The following KLRG2 variants were observed in gnomAD, a reference collection of about 807,000 sequenced individuals.
KLRG2 encodes the protein killer cell lectin like receptor G2.
In KLRG2, 39 loss-of-function variants were observed where a neutral mutation model predicts 35.4. The ratio of observed to expected loss-of-function variants is 1.10; its 90% CI spans 0.85 to 1.44. The LOEUF (loss-of-function observed/expected upper bound fraction) is 1.44. KLRG2 is among the 40% of genes most tolerant of loss of function. The pLI, the probability that KLRG2 is intolerant of heterozygous loss-of-function variation, is 0.00. For missense variants in KLRG2, 632 were observed against 570.9 expected, an observed-to-expected ratio of 1.11 and a Z score of -1.09; for synonymous variants, 283 against 265.8, an observed-to-expected ratio of 1.06 and a Z score of -0.63.
Position 139,479,635 on chromosome 7 carries a change from G to A in KLRG2, c.997C>T (p.His333Tyr). 1.2e-6 allele frequency: 2 copies of A among 1,612,710 alleles called. No homozygotes were observed. Among genetic ancestry groups the A allele is most frequent in the South Asian group, 1.1e-5 (1 of 91,066 alleles). ...AYHATLPLLSHTQDFLGRYPV... is the reference protein window; with the variant it reads ...AYHATLPLLSYTQDFLGRYPV... ...GGACACCCCCTTCTCACCTGGGTGT[G>A]GCTTAGCAGGGGGAGGGTAGCGTGG... Residue 333 changes from histidine (H) to tyrosine (Y), a missense_variant, in exon 3 of 5, where the codon CAC becomes TAC. Transcript: ENST00000340940.
chr7:139,431,711 G>A, the KLRG2 span, among the ~76,000 whole-genome samples: 1 of 152,204 alleles, frequency 6.6e-6, no homozygotes. Context: ...GCAGCTGGCA[G>A]TGCCTGGTGG....
chr7:139,452,681 C>G (rs908852009), downstream of KLRG2: 16 of 152,276 alleles, frequency 1.1e-4, no homozygotes, highest in African/African-American at 3.9e-4. Context: ...GGAGGTCTAG[C>G]TGGACTCAAG....
chr7:139,479,805 G>C (rs750134991), intron 2 of KLRG2, 33 bp from the exon 3 acceptor site: 6 of 1,601,784 alleles, frequency 3.7e-6, no homozygotes, highest in Admixed American at 1.7e-5. Flanking sequence ...TGAGCTGCAG[G>C]GTAAGCTGCA....
the KLRG2 span, among the ~76,000 whole-genome samples, chr7:139,439,002 T>G: frequency 6.9e-6 from 1 of 144,868 alleles, no homozygotes; most frequent in African/African-American, 2.5e-5. Context: ...CGTGGCAATT[T>G]CTTAAAAGGT....
chr7:139,465,616 T>C (rs113943936), intron 3 of KLRG2, among the ~76,000 whole-genome samples: 17,845 of 148,696 alleles, frequency 0.12, 1,146 homozygotes, highest in African/African-American at 0.17. Flanking sequence ...GGCGTGAACC[T>C]GGGAGGCGGA....
chr7:139,482,583 G>A (rs1796979171), intron 1 of KLRG2, among the ~76,000 whole-genome samples: 2 of 152,152 alleles, frequency 1.3e-5, no homozygotes, highest in Admixed American at 1.3e-4. Flanking sequence ...AGTAGAGACG[G>A]GGTTTCATCA....
intron 3 of KLRG2, among the ~76,000 whole-genome samples, chr7:139,471,661 A>C (rs1796759076): frequency 1.4e-5 from 2 of 144,512 alleles, no homozygotes; most frequent in African/African-American, 5.2e-5. Context: ...ACTCGGTCTC[A>C]AAAAAAAAAA....
chr7:139,479,624 C>T lies in KLRG2; in HGVS notation c.1005+3G>A, dbSNP rs1451849630. On this transcript the variant is annotated splice_donor_region_variant and intron_variant, in intron 3 of 4. Transcript: ENST00000340940. Reference sequence around the variant, plus strand: ...CCCCTTAGATTGGACACCCCCTTCTCACCTGGGTGTGGCTTAGCAGGGGGA... The same window carrying T: ...CCCCTTAGATTGGACACCCCCTTCTTACCTGGGTGTGGCTTAGCAGGGGGA... 2 of 1,611,630 alleles carry T rather than the reference C, an allele frequency of 1.2e-6. No homozygotes were observed. The highest frequency in any genetic ancestry group is 2.2e-5 in the South Asian group (2 of 91,026).
In KLRG2 at chr7:139,482,992, C is replaced by A; in HGVS notation, c.651G>T (p.Thr217=). 7.2e-7 allele frequency: 1 copy of A among 1,393,788 alleles called. No individual in the cohort carries two copies. The highest frequency in any genetic ancestry group is 1.6e-5 in the South Asian group (1 of 61,938). 86.3% of individuals were successfully genotyped at this position (1,393,788 alleles called of 1,614,324 possible). ...GCCCCAGCTCCTTGCAGCGGCAGCA[C>A]GTGGGGGAGCCCGGGGAGCCGGCGC... ...EGSAGSPGSP[T]CCRCKELGLE... Residue 217 remains threonine, a synonymous_variant, in exon 1 of 5, where the codon ACG becomes ACT. Coordinates refer to ENST00000340940, the MANE Select transcript of KLRG2 (RefSeq NM_198508.4).
At chr7:139,444,297 CA>C in the KLRG2 span, among the ~76,000 whole-genome samples, 293 of 152,280 alleles carry the variant, frequency 1.9e-3, 5 homozygotes, top group East Asian at 0.051. Context: ...AGTTGACACT[CA>C]ATATTAACTA....
At chr7:139,441,101 T>C in the KLRG2 span, among the ~76,000 whole-genome samples, 3 of 152,160 alleles carry the variant, frequency 2.0e-5, no homozygotes, top group African/African-American at 7.2e-5. Flanking sequence ...CAAAAAATAG[T>C]TAGGCATCAA....
chr7:139,436,909 A>G, the KLRG2 span, among the ~76,000 whole-genome samples: 2 of 152,226 alleles, frequency 1.3e-5, no homozygotes, highest in Non-Finnish European at 2.9e-5. Context: ...ATGGCCAGGC[A>G]CTGGGTCCTG....
chr7:139,436,226 A>G, the KLRG2 span, among the ~76,000 whole-genome samples: 2 of 151,812 alleles, frequency 1.3e-5, no homozygotes, highest in African/African-American at 2.4e-5. Flanking sequence ...TAACCCGCAC[A>G]CTCTACCTGC....
the KLRG2 span, among the ~76,000 whole-genome samples, chr7:139,437,727 G>A: frequency 6.6e-6 from 1 of 151,856 alleles, no homozygotes; most frequent in Non-Finnish European, 1.5e-5. Flanking sequence ...CAAAGTGCTG[G>A]GATTACAGGC....
At chr7:139,438,057 A>G in the KLRG2 span, among the ~76,000 whole-genome samples, 191 of 152,298 alleles carry the variant, frequency 1.3e-3, 1 homozygote, top group African/African-American at 4.3e-3. Context: ...TGCCATTGTC[A>G]TAAGACTATG....
intron 3 of KLRG2, among the ~76,000 whole-genome samples, chr7:139,458,052 G>A (rs1476630162): frequency 3.3e-5 from 5 of 152,126 alleles, no homozygotes; most frequent in Non-Finnish European, 7.3e-5. Flanking sequence ...TGTTTCCTAT[G>A]CCTTCATACA....
intron 3 of KLRG2, among the ~76,000 whole-genome samples, chr7:139,468,556 C>CT (rs949702946): frequency 1.3e-5 from 2 of 152,156 alleles, no homozygotes; most frequent in Admixed American, 1.3e-4. Context: ...TTCGCTGACT[C>CT]TTTTTTCAGA....
At chr7:139,457,856 A>C (rs1206064261) in intron 3 of KLRG2, among the ~76,000 whole-genome samples, 1 of 151,862 alleles carries the variant, frequency 6.6e-6, no homozygotes, top group Non-Finnish European at 1.5e-5. Context: ...CATTGTTCAG[A>C]GTTATAAATA....
the KLRG2 span, among the ~76,000 whole-genome samples, chr7:139,439,349 C>G: frequency 1.3e-5 from 2 of 152,148 alleles, no homozygotes; most frequent in African/African-American, 4.8e-5. Context: ...GTGTCTGTCT[C>G]TGGAGTGGAT....
Sources: allele counts gnomAD v4.1 joint callset (sites outside exome capture counted in the v4.1 genomes callset), GRCh38; gene constraint gnomAD v4.1.1; transcripts MANE v1.5; gene names NCBI Gene and HGNC (gene_info 2026-07-23, HGNC 2026-07-21).